Variants in BNC2 observed in about 807,000 individuals in gnomAD.
BNC2 encodes zinc finger protein basonuclin-2.
A neutral mutation model predicts 76.3 loss-of-function variants in BNC2; 20 were observed. That is an observed-to-expected ratio of 0.26 (90% CI 0.18 to 0.38). The LOEUF (loss-of-function observed/expected upper bound fraction) is 0.38, where lower values mean the gene tolerates loss of function less well. Among genes scored for constraint, BNC2 ranks in the 10% least tolerant of loss-of-function variants. The pLI is 1.00. For synonymous variants in BNC2, 582 were observed against 514.8 expected (o/e 1.13, Z -1.77); for missense variants, 1,382 against 1,399.8 (o/e 0.99, Z 0.20).
At chr9:16,758,521 G>C (rs1825459569) in intron 1 of BNC2, among the ~76,000 whole-genome samples, 1 of 152,074 alleles carries the variant, frequency 6.6e-6, no homozygotes, top group African/African-American at 2.4e-5. Flanking sequence ...AGTAGAGACA[G>C]GGTTTCACCG....
chr9:16,643,263 G>A (rs1473415200), intron 3 of BNC2, among the ~76,000 whole-genome samples: 4 of 146,362 alleles, frequency 2.7e-5, no homozygotes, highest in African/African-American at 5.1e-5. Flanking sequence ...CCAAGATCAC[G>A]ACAATGCACT....
At chr9:16,741,142 C>A (rs185681275) in intron 1 of BNC2, among the ~76,000 whole-genome samples, 1 of 152,030 alleles carries the variant, frequency 6.6e-6, no homozygotes, top group Non-Finnish European at 1.5e-5. Context: ...TCGAGGAGTA[C>A]TAGAAGGAAG....
Position 16,436,688 on chromosome 9 carries a change from T to C in BNC2, c.1506A>G (p.Leu502=). 4.3e-6 allele frequency: 7 copies of C among 1,614,082 alleles called. No individual in the cohort carries two copies. The highest frequency in any genetic ancestry group is 5.9e-6 in the Non-Finnish European group (7 of 1,180,018). Residue 502 remains leucine, a synonymous_variant, in exon 6 of 7, where the codon CTA becomes CTG. Transcript: ENST00000380672. The stretch of plus-strand genomic sequence containing the variant: ...TTAAATCTTTATCTCGGTTATTCCT[T>C]AGCATAGGCATGTGAAGGCGAGGAT... ...NPNPRLHMPM[L]RNNRDKDLIR...
At chr9:16,505,228 G>A (rs1235289407) in intron 5 of BNC2, among the ~76,000 whole-genome samples, 1 of 152,192 alleles carries the variant, frequency 6.6e-6, no homozygotes, top group Admixed American at 6.5e-5. Flanking sequence ...TCCTGCCTGA[G>A]TAGCAAATCA....
intron 3 of BNC2, among the ~76,000 whole-genome samples, chr9:16,683,603 A>C (rs374329920): frequency 6.6e-6 from 1 of 152,238 alleles, no homozygotes; most frequent in South Asian, 2.1e-4. Flanking sequence ...CTAGGAAAAA[A>C]TTTAAAAAGG....
Position 16,418,839 on chromosome 9 carries a change from T to G in BNC2, c.*150A>C. On this transcript the variant is annotated 3_prime_UTR_variant, in exon 7 of 7. Coordinates refer to ENST00000380672, the MANE Select transcript of BNC2 (RefSeq NM_017637.6). The stretch of plus-strand genomic sequence containing the variant: ...ATCTTGTTTATCTCAAGGAAATACG[T>G]GTGTGTATATGTAGCCACAGAGCAT... The G allele has an allele frequency of 1.2e-6, 1 of 838,028 alleles. No individual in the cohort carries two copies. Among genetic ancestry groups the G allele is most frequent in the Non-Finnish European group, 1.9e-6 (1 of 517,372 alleles). 51.9% of individuals were successfully genotyped at this position (838,028 alleles called of 1,614,324 possible).
intron 5 of BNC2, among the ~76,000 whole-genome samples, chr9:16,531,320 C>A (rs1220283423): frequency 2.0e-5 from 3 of 151,616 alleles, no homozygotes; most frequent in African/African-American, 7.3e-5. Context: ...GCTTCTCCTT[C>A]ACATGTGCAA....
At chr9:16,618,099 A>T (rs1355651214) in intron 3 of BNC2, among the ~76,000 whole-genome samples, 1 of 152,182 alleles carries the variant, frequency 6.6e-6, no homozygotes, top group Non-Finnish European at 1.5e-5. Flanking sequence ...ACCTGTAACA[A>T]TGCCATCAAT....
At chr9:16,860,173 T>C (rs1018404888) in intron 1 of BNC2, among the ~76,000 whole-genome samples, 2 of 150,806 alleles carry the variant, frequency 1.3e-5, no homozygotes, top group African/African-American at 2.4e-5. Context: ...TCTACCACAA[T>C]CCAAATTGCT....
intron 3 of BNC2, among the ~76,000 whole-genome samples, chr9:16,634,122 A>G (rs77573429): frequency 0.01 from 1,529 of 152,336 alleles, 35 homozygotes; most frequent in African/African-American, 0.035. Flanking sequence ...CCGTGTTCTG[A>G]CAGGACTATT....
intron 4 of BNC2, among the ~76,000 whole-genome samples, chr9:16,564,670 A>G (rs1383794898): frequency 6.6e-6 from 1 of 152,210 alleles, no homozygotes; most frequent in Non-Finnish European, 1.5e-5. Context: ...AGGCCAAAAT[A>G]TTTGAAATCA....
intron 3 of BNC2, among the ~76,000 whole-genome samples, chr9:16,605,744 A>C (rs573467872): frequency 6.6e-6 from 1 of 151,488 alleles, no homozygotes; most frequent in East Asian, 1.9e-4. Flanking sequence ...CTGTGATATA[A>C]TTAGTGATAA....
intron 3 of BNC2, among the ~76,000 whole-genome samples, chr9:16,642,955 T>C (rs1821528494): frequency 6.6e-6 from 1 of 152,170 alleles, no homozygotes; most frequent in African/African-American, 2.4e-5. Context: ...TGTTTCCTCA[T>C]TTGTGAAACG....
At chr9:16,425,998 C>G (rs1235123343) in intron 6 of BNC2, among the ~76,000 whole-genome samples, 2 of 152,156 alleles carry the variant, frequency 1.3e-5, no homozygotes, top group African/African-American at 2.4e-5. Context: ...CAATAGGTAC[C>G]TGTTGCGCTG....
chr9:16,527,870 C>T (rs1359797023), intron 5 of BNC2, among the ~76,000 whole-genome samples: 1 of 152,168 alleles, frequency 6.6e-6, no homozygotes, highest in East Asian at 1.9e-4. Flanking sequence ...TGCTGCAACG[C>T]TGCCTCACCC....
chr9:16,619,634 GCA>G (rs1175332021), intron 3 of BNC2, among the ~76,000 whole-genome samples: 1 of 152,122 alleles, frequency 6.6e-6, no homozygotes, highest in Non-Finnish European at 1.5e-5. Flanking sequence ...AATGTTTATA[GCA>G]CCATACCAGT....
chr9:16,738,637 G>A, intron 1 of BNC2, 152 bp from the exon 2 acceptor site: 1 of 830,890 alleles, frequency 1.2e-6, no homozygotes, highest in East Asian at 2.7e-5. Context: ...AAGGCTGATA[G>A]TAGCCAACAG....
chr9:16,834,862 T>C (rs1309863115), intron 1 of BNC2, among the ~76,000 whole-genome samples: 1 of 152,138 alleles, frequency 6.6e-6, no homozygotes, highest in Non-Finnish European at 1.5e-5. Flanking sequence ...AGTTTTGCTT[T>C]TTTTTTTAAG....
chr9:16,809,331 T>A (rs1817990327), intron 1 of BNC2, among the ~76,000 whole-genome samples: 1 of 152,008 alleles, frequency 6.6e-6, no homozygotes, highest in African/African-American at 2.4e-5. Flanking sequence ...AGGAGAGATT[T>A]GAAAACATCA....
Sources: gnomAD v4.1 joint callset for allele counts (sites outside exome capture counted in the v4.1 genomes callset) on GRCh38, gnomAD v4.1.1 for gene constraint, MANE v1.5 for transcripts, NCBI Gene and HGNC (gene_info 2026-07-23, HGNC 2026-07-21) for gene names.